The following ZNF850 variants were observed in gnomAD, a reference collection of about 807,000 sequenced individuals.
ZNF850 encodes the protein putative zinc finger protein ENSP00000330994.
Under a neutral mutation model 11.9 loss-of-function variants are expected in ZNF850, and 2 were observed. That is an observed-to-expected ratio of 0.17 (90% CI 0.07 to 0.53). The LOEUF is 0.53. Ranked by LOEUF, ZNF850 falls within the 20% of genes least tolerant of loss-of-function variation. The pLI is 0.94. For synonymous variants in ZNF850, 381 were observed against 443.0 expected (o/e 0.86, Z 1.76); for missense variants, 1,014 against 1,316.4 (o/e 0.77, Z 3.55).
chr19:36,769,039 T>C (rs908086812), intron 1 of ZNF850, among the ~76,000 whole-genome samples: 1 of 149,320 alleles, frequency 6.7e-6, no homozygotes, highest in African/African-American at 2.5e-5. Flanking sequence ...GGTGGGTGAA[T>C]CACTTGAGAT....
chr19:36,751,844 C>T (rs1366409645), intron 4 of ZNF850, among the ~76,000 whole-genome samples: 1 of 150,648 alleles, frequency 6.6e-6, no homozygotes, highest in Non-Finnish European at 1.5e-5. Context: ...ATAGGATCAA[C>T]ATTCATTCAT....
intron 1 of ZNF850, among the ~76,000 whole-genome samples, chr19:36,770,536 T>G (rs1447558057): frequency 6.6e-6 from 1 of 150,870 alleles, no homozygotes; most frequent in Non-Finnish European, 1.5e-5. Flanking sequence ...CCGTCTCTAC[T>G]AAAAAAAACA....
rs139144983 is a variant in ZNF850, at chr19:36,762,891, T to G, written c.-69-216A>C. 3.5e-3 allele frequency among the ~76,000 whole-genome samples: 529 copies of G among 152,136 alleles called. 1 individual carries two copies. The highest frequency in any genetic ancestry group is 5.6e-3 in the Non-Finnish European group (380 of 67,982). On this transcript the variant is annotated intron_variant, in intron 1 of 4. Transcript: ENST00000591344. ...TTTTTTTCCTCTTGTTTCATTTTTT[T>G]GTTTTTGTTTTCGTTTTGAGACAGG...
chr19:36,754,246 C>A (rs943972359), intron 4 of ZNF850, among the ~76,000 whole-genome samples: 44 of 150,824 alleles, frequency 2.9e-4, no homozygotes, highest in African/African-American at 1.0e-3. Context: ...AAATTTCAAC[C>A]CTTTTAAAAT....
Position 36,744,030 on chromosome 19 carries a change from A to T in ZNF850, c.*3737T>A, listed in dbSNP as rs2040396840. The T allele has an allele frequency of 6.6e-6, 1 of 152,144 alleles. No individual in the cohort carries two copies. Among genetic ancestry groups the T allele is most frequent in the South Asian group, 2.1e-4 (1 of 4,824 alleles). 9.4% of individuals were successfully genotyped at this position (152,144 alleles called of 1,614,324 possible). A position where few individuals can be genotyped will look rare whatever the true frequency, so the allele number is the denominator to read the frequency against. ...CTGTCTCTATTAAAAATACAAAATT[A>T]GCCGGGCGTGGTGGTGCATGCCTGT... is the stretch of plus-strand genomic sequence containing the variant. On this transcript the variant is annotated 3_prime_UTR_variant, in exon 5 of 5. Transcript: ENST00000591344.
chr19:36,764,435 T>C (rs1435643524), intron 1 of ZNF850, among the ~76,000 whole-genome samples: 1 of 152,062 alleles, frequency 6.6e-6, no homozygotes, highest in Non-Finnish European at 1.5e-5. Context: ...GAAAGGCTAC[T>C]GTAAAGACCC....
intron 1 of ZNF850, among the ~76,000 whole-genome samples, 190 bp from the exon 2 acceptor site, chr19:36,762,865 T>G (rs575074239): frequency 2.0e-5 from 3 of 152,058 alleles, no homozygotes; most frequent in Non-Finnish European, 4.4e-5. Context: ...TTTCTTGTTT[T>G]TTTTTTTCCT....
In ZNF850 at chr19:36,746,982, C is replaced by G. The variant is rs1161513536; in HGVS notation, c.*785G>C. ...CCTGACCAACACAGTGAAACCCCGT[C>G]TCTACTAAAAATACAAAAATTAGCC... On this transcript the variant is annotated 3_prime_UTR_variant, in exon 5 of 5. Transcript: ENST00000591344. 1 of 152,048 alleles carries G rather than the reference C, an allele frequency of 6.6e-6. No homozygotes were observed. The highest frequency in any genetic ancestry group is 2.4e-5 in the African/African-American group (1 of 41,398). 9.4% of individuals were successfully genotyped at this position (152,048 alleles called of 1,614,324 possible). A position where few individuals can be genotyped will look rare whatever the true frequency, so the allele number is the denominator to read the frequency against.
chr19:36,748,388 T>C lies in ZNF850; in HGVS notation c.2652A>G (p.Ile884Met), dbSNP rs2040426779. Residue 884 changes from isoleucine (I) to methionine (M), a missense_variant, in exon 5 of 5, where the codon ATA (isoleucine) becomes ATG (methionine). By Grantham distance (10) the Ile-to-Met change is conservative. Transcript: ENST00000591344. ...CAGTGTGAATTCGCCGATGTTGGAT[T>C]ATTGCTGAGCGAAAAGCAAAAGATT... ...CGKSFAFRSAIIQHRRIHTGE... is the reference protein window; with the variant it reads ...CGKSFAFRSAMIQHRRIHTGE... 1.3e-6 allele frequency: 2 copies of C among 1,556,296 alleles called. No homozygotes were observed. Among genetic ancestry groups the C allele is most frequent in the Non-Finnish European group, 1.7e-6 (2 of 1,152,776 alleles).
At chr19:36,756,807 G>T (rs12986045) in intron 4 of ZNF850, among the ~76,000 whole-genome samples, 37,326 of 151,954 alleles carry the variant, frequency 0.25, 4,649 homozygotes, top group South Asian at 0.35. Flanking sequence ...TAGAGATGGG[G>T]TTTTCACCAT....
chr19:36,761,800 C>G, intron 3 of ZNF850, 62 bp from the exon 4 acceptor site: 1 of 962,212 alleles, frequency 1.0e-6, no homozygotes. Context: ...AATCCCAGCA[C>G]TTTGGGAGAC....
Position 36,749,995 on chromosome 19 carries a change from C to G in ZNF850, c.1045G>C (p.Gly349Arg). 1 of 1,552,424 alleles carries G rather than the reference C, an allele frequency of 6.4e-7. No individual in the cohort carries two copies. The highest frequency in any genetic ancestry group is 8.7e-7 in the Non-Finnish European group (1 of 1,151,750). Residue 349 changes from glycine to arginine, a missense_variant, in exon 5 of 5, where the codon GGC (glycine) becomes CGC (arginine). This residue lies in a region of ZNF850 where 835 missense variants were observed against 1,022.0 expected (regional missense o/e 0.82). Transcript: ENST00000591344. Reference protein sequence around the residue: ...CKECGKSFASGSALIRHQRIH... With the variant: ...CKECGKSFASRSALIRHQRIH... Reference sequence around the variant, plus strand: ...CGCTGATGTCGAATTAGTGCTGAGCCTGAAGCAAAAGATTTTCCACATTCC... The same window carrying G: ...CGCTGATGTCGAATTAGTGCTGAGCGTGAAGCAAAAGATTTTCCACATTCC...
chr19:36,758,805 G>A (rs1404644781), intron 4 of ZNF850, among the ~76,000 whole-genome samples: 3 of 152,168 alleles, frequency 2.0e-5, no homozygotes, highest in Non-Finnish European at 4.4e-5. Flanking sequence ...CAGGCCGGGT[G>A]TAGTGGCTCA....
chr19:36,761,872 C>A (rs959114825), intron 3 of ZNF850, 134 bp from the exon 4 acceptor site: 2 of 557,026 alleles, frequency 3.6e-6, no homozygotes, highest in Admixed American at 6.2e-5. Context: ...ATGGTGAAAC[C>A]CTGTCTCTAC....
Position 36,750,345 on chromosome 19 carries a change from T to A in ZNF850, c.695A>T (p.Lys232Ile). 6.5e-7 allele frequency: 1 copy of A among 1,536,528 alleles called. No homozygotes were observed. The change falls in exon 5 of 5, where the codon AAA becomes ATA. Residue 232 changes from lysine to isoleucine, a missense_variant. Around this residue, in one of 2 missense-constraint regions of ZNF850, gnomAD observed 835 missense variants for 1,022.0 expected, o/e 0.82. Transcript: ENST00000591344. The stretch of plus-strand genomic sequence containing the variant: ...AAGATGTGAGCCAGAAATAAAAGCT[T>A]TTCCATATTCTTTACATGCACAGGG... ...EKPCACKEYG[K>I]AFISGSHLIQ...
In ZNF850 at chr19:36,748,026, C is replaced by A; in HGVS notation, c.3014G>T (p.Gly1005Val). 6.3e-7 allele frequency: 1 copy of A among 1,590,444 alleles called. No individual in the cohort carries two copies. Among genetic ancestry groups the A allele is most frequent in the Non-Finnish European group, 8.5e-7 (1 of 1,170,730 alleles). ...TTCCTTACAATCATAAGGTTTCTCA[C>A]CAGTGTGAGTTCGCTGATGTCGAAT... ...ELIRHQRTHTGEKPYDCKECG... is the reference protein window; with the variant it reads ...ELIRHQRTHTVEKPYDCKECG... Residue 1005 changes from glycine to valine, a missense_variant, in exon 5 of 5, where the codon GGT (glycine) becomes GTT (valine). Gly to Val is a moderately radical substitution (Grantham distance 109, BLOSUM62 -3). Around this residue, in one of 2 missense-constraint regions of ZNF850, gnomAD observed 179 missense variants for 294.4 expected, o/e 0.61. Coordinates refer to ENST00000591344, the MANE Select transcript of ZNF850 (RefSeq NM_001193552.2).
Position 36,750,640 on chromosome 19 carries a change from G to C in ZNF850, c.400C>G (p.Gln134Glu). 1.3e-6 allele frequency: 2 copies of C among 1,536,088 alleles called. No individual in the cohort carries two copies. The highest frequency in any genetic ancestry group is 1.7e-6 in the Non-Finnish European group (2 of 1,146,908). Residue 134 changes from glutamine (Q) to glutamate (E), a missense_variant, in exon 5 of 5, where the codon CAG becomes GAG. By Grantham distance (29) the Gln-to-Glu change is conservative (BLOSUM62 2). This residue lies in a region of ZNF850 where 835 missense variants were observed against 1,022.0 expected (regional missense o/e 0.82). Transcript: ENST00000591344. The stretch of plus-strand genomic sequence containing the variant: ...ATTGCTTTTTCCAAATATCGCTCCT[G>C]ATTTATATCTTGGTGCTGAAACTGG... ...KGQFQHQDINQERYLEKAIMT... is the reference protein window; with the variant it reads ...KGQFQHQDINEERYLEKAIMT...
chr19:36,748,300 G>C lies in ZNF850; in HGVS notation c.2740C>G (p.Gln914Glu). The C allele has an allele frequency of 6.3e-7, 1 of 1,576,644 alleles. No homozygotes were observed. Among genetic ancestry groups the C allele is most frequent in the Non-Finnish European group, 8.6e-7 (1 of 1,164,804 alleles). Residue 914 changes from glutamine to glutamate, a missense_variant, in exon 5 of 5, where the codon CAA becomes GAA. Physicochemically the swap from Gln to Glu is conservative, Grantham distance 29 (BLOSUM62 2). Coordinates refer to ENST00000591344, the MANE Select transcript of ZNF850 (RefSeq NM_001193552.2). ...KAFRRRSKLT[Q>E]HQRIHTGEKP... ...TCACCAGTATGGATTCGTTGATGTT[G>C]AGTAAGTTTTGAACGACGTCTAAAG...
intron 1 of ZNF850, among the ~76,000 whole-genome samples, chr19:36,764,725 CTTTTTTTTTTT>C (rs35367899): frequency 7.9e-6 from 1 of 126,838 alleles, no homozygotes; most frequent in African/African-American, 3.1e-5. Context: ...TTTCCTTTCC[CTTTTTTTTTTT>C]TTTTTTTTTT....
Sources: allele counts gnomAD v4.1 joint callset (sites outside exome capture counted in the v4.1 genomes callset), GRCh38; gene constraint gnomAD v4.1.1; regional missense constraint gnomAD v4.1.1; transcripts MANE v1.5; gene names NCBI Gene and HGNC (gene_info 2026-07-23, HGNC 2026-07-21).